Variants in PTPRZ1 observed in about 807,000 individuals in gnomAD.
PTPRZ1 encodes the protein receptor-type tyrosine-protein phosphatase zeta.
PTPRZ1 carries 82 observed loss-of-function variants against 214.1 expected under a neutral mutation model. The observed-to-expected ratio is 0.38, with a 90% confidence interval of 0.32 to 0.46. PTPRZ1 has a LOEUF of 0.46. PTPRZ1 is among the 20% of genes least tolerant of loss of function. PTPRZ1 has a pLI of 1.00. For synonymous variants in PTPRZ1, 945 were observed against 987.9 expected (o/e 0.96, Z 0.81); for missense variants, 2,603 against 2,748.7 (o/e 0.95, Z 1.19).
intron 2 of PTPRZ1, among the ~76,000 whole-genome samples, chr7:121,966,421 C>T (rs1473945473): frequency 2.0e-5 from 3 of 152,158 alleles, no homozygotes; most frequent in Non-Finnish European, 4.4e-5. Context: ...CTCTTTCATT[C>T]TCTTGCACTG....
intron 1 of PTPRZ1, among the ~76,000 whole-genome samples, chr7:121,885,379 G>A (rs1047707318): frequency 3.9e-5 from 6 of 152,134 alleles, no homozygotes; most frequent in African/African-American, 9.7e-5. Flanking sequence ...AATTTTGAAC[G>A]TAGATGGCAA....
intron 13 of PTPRZ1, among the ~76,000 whole-genome samples, chr7:122,023,729 G>A (rs1419995834): frequency 8.1e-6 from 1 of 124,208 alleles, no homozygotes; most frequent in Non-Finnish European, 1.6e-5. Context: ...TATATTATAT[G>A]TATAATTTTA....
chr7:122,051,578 G>A (rs1410792924), intron 24 of PTPRZ1, 57 bp downstream of exon 24: 7 of 1,467,080 alleles, frequency 4.8e-6, no homozygotes, highest in Non-Finnish European at 5.7e-6. Context: ...AAGCCTTGTA[G>A]GAAATTTGGC....
intron 2 of PTPRZ1, among the ~76,000 whole-genome samples, chr7:121,957,978 T>C (rs1373337282): frequency 6.6e-6 from 1 of 152,250 alleles, no homozygotes; most frequent in Non-Finnish European, 1.5e-5. Flanking sequence ...TATTTGATCA[T>C]CAACTTTCCA....
At chr7:122,060,806 C>T (rs1353168118) in intron 29 of PTPRZ1, among the ~76,000 whole-genome samples, 1 of 152,206 alleles carries the variant, frequency 6.6e-6, no homozygotes, top group Non-Finnish European at 1.5e-5. Context: ...CCTGTCTCAT[C>T]ACCTTCTGAT....
At chr7:122,025,003 G>T (rs1584754644) in intron 13 of PTPRZ1, among the ~76,000 whole-genome samples, 1 of 152,124 alleles carries the variant, frequency 6.6e-6, no homozygotes, top group Non-Finnish European at 1.5e-5. Flanking sequence ...GTAGGTAAGG[G>T]AATCCAGGAT....
chr7:122,019,514 T>C (rs897965382), intron 13 of PTPRZ1, among the ~76,000 whole-genome samples: 2 of 152,202 alleles, frequency 1.3e-5, no homozygotes, highest in African/African-American at 4.8e-5. Context: ...TTTTGACAGT[T>C]GTACTTTCAT....
At chr7:121,924,250 A>C (rs1795686519) in intron 1 of PTPRZ1, among the ~76,000 whole-genome samples, 2 of 152,168 alleles carry the variant, frequency 1.3e-5, no homozygotes, top group Non-Finnish European at 2.9e-5. Context: ...GGATCCTAAA[A>C]TGCGTAAGCA....
chr7:122,013,796 G>A lies in PTPRZ1; in HGVS notation c.4750G>A (p.Ala1584Thr), dbSNP rs771539259. ...NEKDADGILA[A>T]GDSEITPGFP... The stretch of plus-strand genomic sequence containing the variant: ...AAAAGATGCTGATGGGATCCTGGCA[G>A]CAGGTGACTCAGAAATAACTCCTGG... Residue 1584 changes from alanine to threonine, a missense_variant, in exon 12 of 30, where the codon GCA becomes ACA. By Grantham distance (58) the Ala-to-Thr change is moderately conservative (BLOSUM62 0). Coordinates refer to ENST00000393386, the MANE Select transcript of PTPRZ1 (RefSeq NM_002851.3). The A allele has an allele frequency of 1.2e-5, 20 of 1,613,998 alleles. No homozygotes were observed. Among genetic ancestry groups the A allele is most frequent in the African/African-American group, 2.7e-5 (2 of 74,926 alleles).
chr7:122,012,889 A>T lies in PTPRZ1; in HGVS notation c.3843A>T (p.Gln1281His), dbSNP rs926988595. The T allele has an allele frequency of 1.2e-6, 2 of 1,614,062 alleles. No individual in the cohort carries two copies. Among genetic ancestry groups the T allele is most frequent in the African/African-American group, 1.3e-5 (1 of 74,932 alleles). ...PVLLKSESSH[Q>H]VVPSLYSNDE... ...TGTTAAAAAGTGAAAGTTCCCACCAAGTGGTACCTTCTTTGTACAGTAATG... is the reference window on the plus strand; with the variant it reads ...TGTTAAAAAGTGAAAGTTCCCACCATGTGGTACCTTCTTTGTACAGTAATG... Residue 1281 changes from glutamine (Q) to histidine (H), a missense_variant, in exon 12 of 30, where the codon CAA (glutamine) becomes CAT (histidine). By Grantham distance (24) the Gln-to-His change is conservative. Coordinates refer to ENST00000393386, the MANE Select transcript of PTPRZ1 (RefSeq NM_002851.3).
intron 6 of PTPRZ1, among the ~76,000 whole-genome samples, chr7:121,980,268 T>C (rs977042167): frequency 6.6e-6 from 1 of 152,170 alleles, no homozygotes; most frequent in African/African-American, 2.4e-5. Flanking sequence ...CATGAAATAT[T>C]TGTAAGATAA....
intron 11 of PTPRZ1, among the ~76,000 whole-genome samples, chr7:122,005,346 A>G (rs1311962705): frequency 6.6e-6 from 1 of 151,946 alleles, no homozygotes; most frequent in African/African-American, 2.4e-5. Flanking sequence ...AACTGAAATT[A>G]TATATTCAGT....
chr7:121,883,324 T>A (rs563144011), intron 1 of PTPRZ1, among the ~76,000 whole-genome samples: 85 of 152,292 alleles, frequency 5.6e-4, no homozygotes, highest in Non-Finnish European at 1.1e-3. Flanking sequence ...ATTTATAGTT[T>A]CAGGTTAATC....
intron 8 of PTPRZ1, among the ~76,000 whole-genome samples, chr7:121,991,706 G>A (rs1177087127): frequency 6.6e-6 from 1 of 152,202 alleles, no homozygotes; most frequent in Non-Finnish European, 1.5e-5. Flanking sequence ...TGTTGATGAA[G>A]TCACTCTGGG....
chr7:121,965,821 G>A (rs1330829167), intron 2 of PTPRZ1, among the ~76,000 whole-genome samples: 2 of 152,140 alleles, frequency 1.3e-5, no homozygotes, highest in African/African-American at 2.4e-5. Flanking sequence ...CAGATAGAAG[G>A]CACTAGTGGA....
At chr7:122,053,538 A>G (rs1720769557) in intron 25 of PTPRZ1, among the ~76,000 whole-genome samples, 1 of 152,186 alleles carries the variant, frequency 6.6e-6, no homozygotes, top group South Asian at 2.1e-4. Context: ...AGGCAACATA[A>G]AAATCATAAA....
intron 2 of PTPRZ1, among the ~76,000 whole-genome samples, chr7:121,946,946 G>A (rs917624766): frequency 1.3e-5 from 2 of 152,114 alleles, no homozygotes; most frequent in Non-Finnish European, 2.9e-5. Flanking sequence ...AAGAGATGGA[G>A]GAACTGTGTC....
intron 13 of PTPRZ1, among the ~76,000 whole-genome samples, chr7:122,022,521 G>T (rs1016088624): frequency 6.6e-6 from 1 of 152,210 alleles, no homozygotes; most frequent in Admixed American, 6.6e-5. Context: ...TGAAAGAGGA[G>T]AACCTGAGTT....
intron 2 of PTPRZ1, among the ~76,000 whole-genome samples, chr7:121,929,299 T>C (rs1403244154): frequency 6.6e-6 from 1 of 152,112 alleles, no homozygotes; most frequent in African/African-American, 2.4e-5. Flanking sequence ...AAATTATATT[T>C]ATTTCCTCAT....
Sources: allele counts gnomAD v4.1 joint callset (sites outside exome capture counted in the v4.1 genomes callset), GRCh38; gene constraint gnomAD v4.1.1; transcripts MANE v1.5; gene names NCBI Gene and HGNC (gene_info 2026-07-23, HGNC 2026-07-21).